Variants in DRAM1 observed in about 807,000 individuals in gnomAD.
DRAM1 encodes DNA damage regulated autophagy modulator 1, also known as DNA damage-regulated autophagy modulator protein 1.
In DRAM1, 25 loss-of-function variants were observed where a neutral mutation model predicts 28.5. That is an observed-to-expected ratio of 0.88 (90% CI 0.64 to 1.23). The LOEUF (loss-of-function observed/expected upper bound fraction) is 1.23, where lower values mean the gene tolerates loss of function less well. Among genes scored for constraint, DRAM1 ranks in the 50% most tolerant of loss-of-function variants. The pLI is 0.00. For missense variants in DRAM1, 249 were observed against 299.2 expected (o/e 0.83, Z 1.24); for synonymous variants, 113 against 114.2 (o/e 0.99, Z 0.07).
intron 1 of DRAM1, among the ~76,000 whole-genome samples, chr12:101,883,224 G>A (rs888487168): frequency 2.0e-5 from 3 of 150,874 alleles, no homozygotes; most frequent in Non-Finnish European, 2.9e-5. Flanking sequence ...GATGGAGGGA[G>A]GAGTAGGTCA....
chr12:101,883,945 A>AT (rs1162582781), intron 1 of DRAM1, among the ~76,000 whole-genome samples: 3 of 106,410 alleles, frequency 2.8e-5, no homozygotes, highest in African/African-American at 2.8e-4. Flanking sequence ...AAAAAAAAAA[A>AT]AATAAATAAA....
intron 2 of DRAM1, among the ~76,000 whole-genome samples, chr12:101,898,494 G>A (rs1251512991): frequency 3.4e-5 from 5 of 148,130 alleles, no homozygotes; most frequent in African/African-American, 8.0e-5. Flanking sequence ...CTTCTGGAAC[G>A]GATTTTAAGT....
At chr12:101,907,780 G>T (rs1873879575) in intron 3 of DRAM1, among the ~76,000 whole-genome samples, 1 of 152,074 alleles carries the variant, frequency 6.6e-6, no homozygotes, top group Non-Finnish European at 1.5e-5. Flanking sequence ...TATATGATAT[G>T]TATCCTATAA....
chr12:101,904,383 A>T (rs113709761), intron 3 of DRAM1, among the ~76,000 whole-genome samples: 2 of 96,842 alleles, frequency 2.1e-5, no homozygotes, highest in Admixed American at 1.0e-4. Flanking sequence ...CAGTATTCAC[A>T]TATTCTTTTT....
chr12:101,911,926 G>T (rs1302832487), intron 4 of DRAM1, among the ~76,000 whole-genome samples: 1 of 151,924 alleles, frequency 6.6e-6, no homozygotes, highest in Non-Finnish European at 1.5e-5. Flanking sequence ...ATTAAGTTAG[G>T]GGTCAGGCAC....
intron 1 of DRAM1, among the ~76,000 whole-genome samples, chr12:101,882,357 G>T (rs938959859): frequency 1.3e-5 from 2 of 150,952 alleles, no homozygotes; most frequent in South Asian, 4.5e-4. Flanking sequence ...TGATCCGCCC[G>T]CCTCAGCCTC....
intron 6 of DRAM1, among the ~76,000 whole-genome samples, chr12:101,920,853 G>A (rs11111084): frequency 0.2 from 30,027 of 152,080 alleles, 3,581 homozygotes; most frequent in East Asian, 0.34. Context: ...GGAGGTTGTC[G>A]TGAGCTGAGA....
At chr12:101,921,101 GCACAAACCATA>G in intron 6 of DRAM1, 104 bp from the exon 7 acceptor site, 3 of 809,176 alleles carry the variant, frequency 3.7e-6, no homozygotes, top group Non-Finnish European at 6.5e-6. Context: ...CTCAAGCATA[GCACAAACCATA>G]GTGAGATCAT....
At position 101,877,819 on chromosome 12, in the gene DRAM1, C is replaced by A. The variant is rs752030233; in HGVS notation, c.30C>A (p.Phe10Leu). The A allele has an allele frequency of 3.9e-6, 6 of 1,545,184 alleles. No individual in the cohort carries two copies. The highest frequency in any genetic ancestry group is 4.4e-6 in the Non-Finnish European group (5 of 1,144,120). ...TGTGCTTCCTGAGGGGAATGGCTTTCGTCCCCTTCCTCTTGGTGACCTGGT... is the reference window on the plus strand; with the variant it reads ...TGTGCTTCCTGAGGGGAATGGCTTTAGTCCCCTTCCTCTTGGTGACCTGGT... Reference protein sequence around the residue: MLCFLRGMAFVPFLLVTWSS... With the variant: MLCFLRGMALVPFLLVTWSS... The change falls in exon 1 of 7, where the codon TTC becomes TTA. Residue 10 changes from phenylalanine (F) to leucine (L), a missense_variant. Transcript: ENST00000258534. This position sits in a 1 kb window ranked among gnomAD's most constrained non-coding sequence, Gnocchi z 4.1.
chr12:101,894,579 A>G (rs1456339481), intron 1 of DRAM1, among the ~76,000 whole-genome samples: 1 of 152,146 alleles, frequency 6.6e-6, no homozygotes, highest in Non-Finnish European at 1.5e-5. Context: ...AAATGTACAG[A>G]TAAGCAAGAA....
chr12:101,914,485 C>CTTTTT (rs553791665), intron 5 of DRAM1, among the ~76,000 whole-genome samples: 13 of 137,452 alleles, frequency 9.5e-5, no homozygotes, highest in African/African-American at 3.6e-4. Flanking sequence ...TCTTCTTCTT[C>CTTTTT]TTTTTTTTTT....
At chr12:101,902,200 C>G (rs1419494729) in intron 3 of DRAM1, among the ~76,000 whole-genome samples, 2 of 152,032 alleles carry the variant, frequency 1.3e-5, no homozygotes, top group Non-Finnish European at 2.9e-5. Flanking sequence ...TGAAATTTTC[C>G]TGTGACACAT....
chr12:101,882,175 CTCGGCTCA>C (rs1412594670), intron 1 of DRAM1, among the ~76,000 whole-genome samples: 6 of 141,896 alleles, frequency 4.2e-5, no homozygotes, highest in African/African-American at 1.5e-4. Flanking sequence ...GTGGCGCGAT[CTCGGCTCA>C]CTGCAAGCTC....
At position 101,922,211 on chromosome 12, in the gene DRAM1, A is replaced by G. The variant is rs1874510843; in HGVS notation, c.*951A>G. 6.6e-6 allele frequency: 1 copy of G among 152,262 alleles called. No homozygotes were observed. The highest frequency in any genetic ancestry group is 1.5e-5 in the Non-Finnish European group (1 of 68,064). 9.4% of individuals were successfully genotyped at this position (152,262 alleles called of 1,614,324 possible). A position where few individuals can be genotyped will look rare whatever the true frequency, so the allele number is the denominator to read the frequency against. On this transcript the variant is annotated 3_prime_UTR_variant, in exon 7 of 7. Coordinates refer to ENST00000258534, the MANE Select transcript of DRAM1 (RefSeq NM_018370.3). Reference sequence around the variant, plus strand: ...TACTGTTTATTTGCTCCTTCTCTTCATGCCTGTGGCTGGATGTCCCACAAC... The same window carrying G: ...TACTGTTTATTTGCTCCTTCTCTTCGTGCCTGTGGCTGGATGTCCCACAAC...
chr12:101,896,737 T>C (rs1873388688), intron 1 of DRAM1, among the ~76,000 whole-genome samples: 1 of 152,216 alleles, frequency 6.6e-6, no homozygotes, highest in South Asian at 2.1e-4. Flanking sequence ...CTAGATACCC[T>C]ATTATTTCCA....
chr12:101,916,463 G>A (rs554041164), intron 5 of DRAM1, among the ~76,000 whole-genome samples: 31 of 152,338 alleles, frequency 2.0e-4, no homozygotes, highest in Middle Eastern at 3.4e-3. Flanking sequence ...ACTGGGAGTC[G>A]TCAGAGTGTA....
At chr12:101,888,147 G>A (rs907191472) in intron 1 of DRAM1, among the ~76,000 whole-genome samples, 2 of 152,038 alleles carry the variant, frequency 1.3e-5, no homozygotes, top group African/African-American at 4.8e-5. Flanking sequence ...TTATTGTTTT[G>A]AGACAGAGTT....
At chr12:101,884,995 G>A (rs933753995) in intron 1 of DRAM1, among the ~76,000 whole-genome samples, 8 of 149,602 alleles carry the variant, frequency 5.3e-5, no homozygotes, top group African/African-American at 9.9e-5. Context: ...GTGCAATGGC[G>A]CAATCTTGGC....
At chr12:101,895,186 G>GT (rs574722379) in intron 1 of DRAM1, among the ~76,000 whole-genome samples, 3,005 of 75,662 alleles carry the variant, frequency 0.04, 232 homozygotes, top group Non-Finnish European at 0.045. Flanking sequence ...AACCCTTCAG[G>GT]TTTTTTTTTT....
Sources: gnomAD v4.1 joint callset for allele counts (sites outside exome capture counted in the v4.1 genomes callset) on GRCh38, gnomAD v4.1.1 for gene constraint, Gnocchi (gnomAD v3.1) non-coding constraint, MANE v1.5 for transcripts, NCBI Gene and HGNC (gene_info 2026-07-23, HGNC 2026-07-21) for gene names.